POR: variants seen among roughly 807,000 people sequenced by gnomAD.
POR encodes the protein NADPH--cytochrome P450 reductase.
Under a neutral mutation model 84.0 loss-of-function variants are expected in POR, and 56 were observed. That is an observed-to-expected ratio of 0.67 (90% confidence interval 0.54 to 0.83). POR has a LOEUF of 0.83. POR is among the 40% of genes least tolerant of loss of function. The pLI, the probability that POR is intolerant of heterozygous loss-of-function variation, is 0.00. For missense variants in POR, 938 were observed against 944.3 expected (o/e 0.99, Z 0.09); for synonymous variants, 414 against 400.5 (o/e 1.03, Z -0.40).
Position 75,980,625 on chromosome 7 carries a change from C to T in POR, c.516+137C>T, listed in dbSNP as rs565303036. ...CAGCCAGGGCAGGCCACTTGTGAGA[C>T]CCTCTCCTCTGCCCCAGACCCCAGC... On this transcript the variant is annotated intron_variant, in intron 5 of 15. Coordinates refer to ENST00000461988, the MANE Select transcript of POR (RefSeq NM_000941.3). The T allele has an allele frequency of 4.4e-6, 7 of 1,582,870 alleles. No individual in the cohort carries two copies. In the Admixed American group the frequency reaches 1.1e-4, roughly 25 times the overall value.
intron 1 of POR, among the ~76,000 whole-genome samples, chr7:75,951,343 G>A (rs1057106621): frequency 1.3e-5 from 2 of 152,060 alleles, no homozygotes; most frequent in Non-Finnish European, 2.9e-5. Context: ...GCAGTGAGTC[G>A]AGATGGTGCC....
At chr7:75,947,653 T>TG (rs1787240359) in intron 1 of POR, among the ~76,000 whole-genome samples, 2 of 152,186 alleles carry the variant, frequency 1.3e-5, no homozygotes, top group African/African-American at 4.8e-5. Flanking sequence ...CATTTTGTGT[T>TG]GCACGTGTCA....
At chr7:75,979,651 C>T (rs1251817417) in intron 4 of POR, 72 bp downstream of exon 4, 2 of 1,576,040 alleles carry the variant, frequency 1.3e-6, no homozygotes, top group Middle Eastern at 1.7e-4. Context: ...GTAGGGCGCC[C>T]CTCAGCAGGG....
At position 75,932,691 on chromosome 7, in the gene POR, G is replaced by A. The variant is rs140677901; in HGVS notation, c.-5+17512G>A. 4.7e-3 allele frequency among the ~76,000 whole-genome samples: 721 copies of A among 152,036 alleles called. 7 individuals are homozygous for A. Among genetic ancestry groups the A allele is most frequent in the African/African-American group, 0.017 (691 of 41,476 alleles). Reference sequence around the variant, plus strand: ...ATGTTCACAATTTAATATATGAAAAGTAGAACAAAATTATATGTAGTATAA... The same window carrying A: ...ATGTTCACAATTTAATATATGAAAAATAGAACAAAATTATATGTAGTATAA... On this transcript the variant is annotated intron_variant, in intron 1 of 15. Transcript: ENST00000461988.
Position 75,985,597 on chromosome 7 carries a change from C to A in POR, c.1417C>A (p.His473Asn). The change falls in exon 13 of 16, where the codon CAC becomes AAC. Residue 473 changes from histidine (H) to asparagine (N), a missense_variant. His to Asn is a moderately conservative substitution (Grantham distance 68). Transcript: ENST00000461988. The stretch of plus-strand genomic sequence containing the variant: ...CCCACAGGTCCACCCCAACTCTGTG[C>A]ACATCTGTGCGGTGGTTGTGGAGTA... 6.4e-7 allele frequency: 1 copy of A among 1,565,346 alleles called. No individual in the cohort carries two copies. Among genetic ancestry groups the A allele is most frequent in the Non-Finnish European group, 8.7e-7 (1 of 1,152,222 alleles).
intron 1 of POR, among the ~76,000 whole-genome samples, chr7:75,922,356 C>T (rs57163501): frequency 0.027 from 3,950 of 146,786 alleles, 167 homozygotes; most frequent in African/African-American, 0.095. Context: ...GAGCCTGTCA[C>T]TCTGTCGCCC....
chr7:75,935,528 G>T (rs1202898302), intron 1 of POR, among the ~76,000 whole-genome samples: 3 of 151,850 alleles, frequency 2.0e-5, no homozygotes, highest in Non-Finnish European at 4.4e-5. Context: ...TTATAGGCTT[G>T]AGCCACTGCG....
chr7:75,953,138 G>A (rs1787524193), intron 1 of POR, among the ~76,000 whole-genome samples: 1 of 152,144 alleles, frequency 6.6e-6, no homozygotes, highest in Non-Finnish European at 1.5e-5. Flanking sequence ...CCAACACAGC[G>A]AAACCCCGTT....
intron 3 of POR, among the ~76,000 whole-genome samples, chr7:75,974,738 G>C (rs550982037): frequency 3.3e-5 from 5 of 152,030 alleles, no homozygotes; most frequent in Non-Finnish European, 7.4e-5. Context: ...TGTTGGCCAG[G>C]CTGGTCTCGA....
chr7:75,925,789 A>G (rs1382286095), intron 1 of POR, among the ~76,000 whole-genome samples: 1 of 152,152 alleles, frequency 6.6e-6, no homozygotes, highest in African/African-American at 2.4e-5. Context: ...CATCTAGGTA[A>G]GAGGCTGAGA....
chr7:75,973,793 C>T (rs1193153355), intron 3 of POR, among the ~76,000 whole-genome samples: 9 of 150,090 alleles, frequency 6.0e-5, no homozygotes, highest in South Asian at 2.1e-4. Context: ...GTGATTCTCC[C>T]GCATCAGCCT....
intron 2 of POR, 119 bp downstream of exon 2, chr7:75,954,299 C>T (rs574961840): frequency 1.8e-6 from 2 of 1,098,994 alleles, no homozygotes; most frequent in South Asian, 3.2e-5. Context: ...TTTGGGGTGA[C>T]TCTTGGGTTT....
At chr7:75,967,172 T>C (rs560232904) in intron 2 of POR, among the ~76,000 whole-genome samples, 4 of 152,308 alleles carry the variant, frequency 2.6e-5, no homozygotes, top group African/African-American at 7.2e-5. Context: ...ACAGGCTGTT[T>C]CGCCATGTTG....
rs149395402 is a variant in POR at position 75,942,907 on chromosome 7, G to C, written c.-4-11082G>C. 7.9e-5 allele frequency among the ~76,000 whole-genome samples: 12 copies of C among 151,278 alleles called. No individual in the cohort carries two copies. The East Asian group carries it at 2.3e-3, about 29-fold the overall frequency. ...AAAAGCTAATTTCCAAAGCGATTTAGTATTTGGTAATAGTGGTTGAGGGCA... is the reference window on the plus strand; with the variant it reads ...AAAAGCTAATTTCCAAAGCGATTTACTATTTGGTAATAGTGGTTGAGGGCA... On this transcript the variant is annotated intron_variant, in intron 1 of 15. Transcript: ENST00000461988.
Position 75,986,341 on chromosome 7 carries a change from G to A in POR, c.1903G>A (p.Ala635Thr), listed in dbSNP as rs1367206365. The change falls in exon 16 of 16, where the codon GCA (alanine) becomes ACA (threonine). Residue 635 changes from alanine (A) to threonine (T), a missense_variant. Coordinates refer to ENST00000461988, the MANE Select transcript of POR (RefSeq NM_000941.3). ...GCACCCCCTCTTCCTGCCCAGGGAT[G>A]CACGGAACATGGCCAGGGATGTGCA... The A allele has an allele frequency of 1.2e-6, 2 of 1,612,534 alleles. No individual in the cohort carries two copies. The highest frequency in any genetic ancestry group is 1.7e-6 in the Non-Finnish European group (2 of 1,179,812).
chr7:75,939,780 G>T (rs181179994), intron 1 of POR, among the ~76,000 whole-genome samples: 228 of 151,984 alleles, frequency 1.5e-3, no homozygotes, highest in African/African-American at 5.3e-3. Context: ...GCTAATTTTT[G>T]TATTTTTAGT....
Position 75,983,872 on chromosome 7 carries a change from A to G in POR, c.1066+16A>G. Reference sequence around the variant, plus strand: ...AACCTGGATGGTGAGTGCCACAGTCAGGGCGCCCTGCCGGGCTCAGGCAGC... The same window carrying G: ...AACCTGGATGGTGAGTGCCACAGTCGGGGCGCCCTGCCGGGCTCAGGCAGC... On this transcript the variant is annotated intron_variant, in intron 10 of 15. Transcript: ENST00000461988. 1 of 1,581,238 alleles carries G rather than the reference A, an allele frequency of 6.3e-7. No homozygotes were observed.
At chr7:75,936,360 G>A (rs987529145) in intron 1 of POR, among the ~76,000 whole-genome samples, 3 of 151,042 alleles carry the variant, frequency 2.0e-5, no homozygotes, top group Admixed American at 6.6e-5. Flanking sequence ...CTCCAGCCTC[G>A]GCCTCCCAAA....
At chr7:75,959,481 G>A (rs782718938) in intron 2 of POR, among the ~76,000 whole-genome samples, 19 of 152,136 alleles carry the variant, frequency 1.2e-4, no homozygotes, top group Non-Finnish European at 1.5e-4. Flanking sequence ...TTAGAGACAC[G>A]GTCTCGCCCT....
Sources: gnomAD v4.1 joint callset for allele counts (sites outside exome capture counted in the v4.1 genomes callset) on GRCh38, gnomAD v4.1.1 for gene constraint, MANE v1.5 for transcripts, NCBI Gene and HGNC (gene_info 2026-07-23, HGNC 2026-07-21) for gene names.